The following ZNF236 variants were observed in gnomAD, a reference collection of about 807,000 sequenced individuals.
ZNF236 encodes zinc finger protein 236, also known as regulated by glucose.
Under a neutral mutation model 191.2 loss-of-function variants are expected in ZNF236, and 50 were observed. That is an observed-to-expected ratio of 0.26 (90% CI 0.21 to 0.33). The LOEUF (loss-of-function observed/expected upper bound fraction) is 0.33. Among genes scored for constraint, ZNF236 ranks in the 10% least tolerant of loss-of-function variants. The pLI is 1.00. For synonymous variants in ZNF236, 907 were observed against 928.8 expected (o/e 0.98, Z 0.43); for missense variants, 1,754 against 2,374.5 (o/e 0.74, Z 5.43).
At chr18:76,957,660 C>G (rs976163394) in intron 28 of ZNF236, among the ~76,000 whole-genome samples, 4 of 152,146 alleles carry the variant, frequency 2.6e-5, no homozygotes, top group Non-Finnish European at 5.9e-5. Context: ...TTTCCTGCTC[C>G]TCTCCCTCCT....
At position 76,969,186 on chromosome 18, in the gene ZNF236, A is replaced by G. The variant is rs1968858737; in HGVS notation, c.*847A>G. 6.3e-6 allele frequency: 1 copy of G among 158,432 alleles called. No individual in the cohort carries two copies. Among genetic ancestry groups the G allele is most frequent in the Non-Finnish European group, 1.4e-5 (1 of 73,366 alleles). 9.8% of individuals were successfully genotyped at this position (158,432 alleles called of 1,614,324 possible). ...GTCCACCCCAGCAAATAAGAAGCAT[A>G]TCTGTAGCTTAAGGCCACGAATCCG... On this transcript the variant is annotated 3_prime_UTR_variant, in exon 31 of 31. Transcript: ENST00000320610.
rs1031124278 is a variant in ZNF236, at chr18:76,926,592, A to G, written c.4028-445A>G. On this transcript the variant is annotated intron_variant, in intron 22 of 30. Transcript: ENST00000320610. ...GTGATTAGACAGTGTGTATGATTAGACAGTGTGTGTATATATGGTATAAAG... is the reference window on the plus strand; with the variant it reads ...GTGATTAGACAGTGTGTATGATTAGGCAGTGTGTGTATATATGGTATAAAG... Among the ~76,000 whole-genome samples, 3 of 148,710 alleles carry G rather than the reference A, an allele frequency of 2.0e-5. No individual in the cohort carries two copies. The East Asian group carries it at 6.1e-4, about 30-fold the overall frequency.
At chr18:76,921,309 AG>A (rs1191805975) in intron 20 of ZNF236, among the ~76,000 whole-genome samples, 17 of 152,222 alleles carry the variant, frequency 1.1e-4, no homozygotes, top group Admixed American at 6.5e-5. Context: ...ACCCTTCAAC[AG>A]CGAGCTCTCG....
Position 76,881,501 on chromosome 18 carries a change from C to T in ZNF236, c.1406C>T (p.Pro469Leu), listed in dbSNP as rs373500805. ...AAAAAAATGATAAAGAAGAAGTCAC[C>T]GTTTCTACCTGGTAATTTTCCTAAA... ...KEKKMIKKKS[P>L]FLPGSIREEN... The change falls in exon 9 of 31, where the codon CCG (proline) becomes CTG (leucine). Residue 469 changes from proline (P) to leucine (L), a missense_variant. Physicochemically the swap from Pro to Leu is moderately conservative, Grantham distance 98. Transcript: ENST00000320610. 52 of 1,609,412 alleles carry T rather than the reference C, an allele frequency of 3.2e-5. No individual in the cohort carries two copies. The highest frequency in any genetic ancestry group is 1.6e-4 in the African/African-American group (12 of 74,312).
At chr18:76,930,854 T>A (rs1161998770) in intron 25 of ZNF236, among the ~76,000 whole-genome samples, 4 of 152,220 alleles carry the variant, frequency 2.6e-5, no homozygotes, top group African/African-American at 9.6e-5. Context: ...GTAAAACTCA[T>A]AAGAAGTATT....
chr18:76,956,810 G>A (rs534501501), intron 28 of ZNF236, among the ~76,000 whole-genome samples: 10 of 152,120 alleles, frequency 6.6e-5, no homozygotes, highest in Non-Finnish European at 1.5e-4. Context: ...AGCCCAGGGC[G>A]CCGTCTTCCG....
In ZNF236 at chr18:76,950,889, G is replaced by A. The variant is rs552696913; in HGVS notation, c.4914+3237G>A. Among the ~76,000 whole-genome samples, 33 of 152,334 alleles carry A rather than the reference G, an allele frequency of 2.2e-4. 1 individual carries two copies. In the South Asian group the frequency reaches 6.6e-3, roughly 31 times the overall value. ...ATTACTCCTTCATCCATGGGCTACA[G>A]TGTGGATGTCATGTTAGCAGACATG... On this transcript the variant is annotated intron_variant, in intron 27 of 30. Coordinates refer to ENST00000320610, the MANE Select transcript of ZNF236 (RefSeq NM_001306089.2).
intron 28 of ZNF236, among the ~76,000 whole-genome samples, chr18:76,958,368 C>T (rs1968575699): frequency 6.6e-6 from 1 of 152,192 alleles, no homozygotes; most frequent in South Asian, 2.1e-4. Flanking sequence ...TTAAAGTCAT[C>T]AGCATAGAGT....
At chr18:76,823,443 C>T (rs1974924044) in intron 1 of ZNF236, among the ~76,000 whole-genome samples, 1 of 151,714 alleles carries the variant, frequency 6.6e-6, no homozygotes, top group Admixed American at 6.6e-5. Flanking sequence ...CAGTAGGCAC[C>T]ATTGTGATCC....
At chr18:76,879,982 A>T in intron 7 of ZNF236, 131 bp from the exon 8 acceptor site, 1 of 823,694 alleles carries the variant, frequency 1.2e-6, no homozygotes, top group Non-Finnish European at 1.9e-6. Flanking sequence ...TTATATTTAA[A>T]ATTTATGTTT....
intron 1 of ZNF236, chr18:76,834,708 AG>A (rs1400488709): frequency 1.3e-5 from 6 of 448,396 alleles, no homozygotes; most frequent in African/African-American, 1.0e-4. Flanking sequence ...TGACCTTTAT[AG>A]TGTCCTCATA....
chr18:76,922,699 G>A (rs1967571386), intron 20 of ZNF236, among the ~76,000 whole-genome samples: 1 of 152,050 alleles, frequency 6.6e-6, no homozygotes. Flanking sequence ...TGGGATTACA[G>A]GCGCCTGCCA....
chr18:76,822,968 C>T (rs940756559), intron 1 of ZNF236, among the ~76,000 whole-genome samples: 1 of 148,842 alleles, frequency 6.7e-6, no homozygotes, highest in African/African-American at 2.4e-5. Flanking sequence ...CGCCCTGCCC[C>T]CGCTGGCCCT....
chr18:76,855,982 A>C (rs1281942487), intron 3 of ZNF236, among the ~76,000 whole-genome samples: 2 of 152,188 alleles, frequency 1.3e-5, no homozygotes, highest in African/African-American at 4.8e-5. Flanking sequence ...ATTGTTTTCC[A>C]AAGAGATTTT....
intron 5 of ZNF236, among the ~76,000 whole-genome samples, chr18:76,873,321 C>G (rs1378717711): frequency 1.3e-5 from 2 of 152,222 alleles, no homozygotes; most frequent in Non-Finnish European, 2.9e-5. Context: ...TGAGCATACT[C>G]TCACTCCTAG....
intron 26 of ZNF236, among the ~76,000 whole-genome samples, chr18:76,943,365 G>C (rs1968186415): frequency 6.6e-6 from 1 of 152,156 alleles, no homozygotes; most frequent in Admixed American, 6.5e-5. Context: ...GCAGGCCGGT[G>C]GTAGTTGTGT....
At chr18:76,939,291 C>T (rs1032203197) in intron 26 of ZNF236, among the ~76,000 whole-genome samples, 5 of 152,142 alleles carry the variant, frequency 3.3e-5, no homozygotes, top group African/African-American at 7.2e-5. Context: ...TGAGATCGCA[C>T]CTCTGTACTC....
chr18:76,898,391 A>G (rs1977496467), intron 10 of ZNF236, among the ~76,000 whole-genome samples: 1 of 152,202 alleles, frequency 6.6e-6, no homozygotes, highest in African/African-American at 2.4e-5. Flanking sequence ...TGGGCTGACA[A>G]TGTGGATGAG....
chr18:76,826,152 C>T (rs1207500567), intron 1 of ZNF236, among the ~76,000 whole-genome samples: 1 of 152,006 alleles, frequency 6.6e-6, no homozygotes, highest in Non-Finnish European at 1.5e-5. Flanking sequence ...GTCTCTATTG[C>T]CCAGGCTGGA....
Sources: allele counts gnomAD v4.1 joint callset (sites outside exome capture counted in the v4.1 genomes callset), GRCh38; gene constraint gnomAD v4.1.1; transcripts MANE v1.5; gene names NCBI Gene and HGNC (gene_info 2026-07-23, HGNC 2026-07-21).